The following NKD2 variants were observed in gnomAD, a reference collection of about 807,000 sequenced individuals.
NKD2 encodes the protein NKD inhibitor of Wnt signaling pathway 2.
A neutral mutation model predicts 34.8 loss-of-function variants in NKD2; 43 were observed. The ratio of observed to expected loss-of-function variants is 1.24; its 90% CI spans 0.97 to 1.60. The LOEUF (loss-of-function observed/expected upper bound fraction) is 1.60, where lower values mean the gene tolerates loss of function less well. Among genes scored for constraint, NKD2 ranks in the 40% most tolerant of loss-of-function variants. NKD2 has a pLI of 0.00. For synonymous variants in NKD2, 278 were observed against 265.1 expected, an observed-to-expected ratio of 1.05 and a Z score of -0.47; for missense variants, 675 against 627.1, an observed-to-expected ratio of 1.08 and a Z score of -0.82.
intron 9 of NKD2, chr5:1,037,582 G>A (rs561294669): frequency 6.5e-7 from 1 of 1,535,898 alleles, no homozygotes; most frequent in South Asian, 1.2e-5. Context: ...CAAGGCTAGA[G>A]GAGTCGGCCT....
intron 3 of NKD2, among the ~76,000 whole-genome samples, chr5:1,014,761 G>A (rs537814118): frequency 9.2e-5 from 14 of 152,338 alleles, no homozygotes; most frequent in Non-Finnish European, 2.1e-4. Flanking sequence ...CTCCACCCCC[G>A]CTTTGCGGCC....
intron 3 of NKD2, among the ~76,000 whole-genome samples, chr5:1,027,901 GGAT>G (rs917452306): frequency 6.6e-6 from 1 of 152,264 alleles, no homozygotes; most frequent in Non-Finnish European, 1.5e-5. Flanking sequence ...AAGGCCACCA[GGAT>G]GATACCTGTG....
At chr5:1,017,220 G>C (rs915591499) in intron 3 of NKD2, among the ~76,000 whole-genome samples, 6 of 152,142 alleles carry the variant, frequency 3.9e-5, no homozygotes, top group African/African-American at 1.4e-4. Context: ...CTGGCGTCTG[G>C]GCCTCAGCGT....
chr5:1,019,841 G>A lies in NKD2; in HGVS notation c.141+10281G>A, dbSNP rs182908104. On this transcript the variant is annotated intron_variant, in intron 3 of 9. Coordinates refer to ENST00000296849, the MANE Select transcript of NKD2 (RefSeq NM_033120.4). ...GGAAACATGAGGCTTTAATATGAAT[G>A]AAAGAAAACAAAAACGTCCGGTGGG... is the stretch of plus-strand genomic sequence containing the variant. Among the ~76,000 whole-genome samples the A allele has an allele frequency of 2.0e-3, 308 of 150,786 alleles. 1 individual carries two copies. The highest frequency in any genetic ancestry group is 7.0e-3 in the African/African-American group (290 of 41,196).
At chr5:1,018,507 T>C (rs916397655) in intron 3 of NKD2, among the ~76,000 whole-genome samples, 6 of 152,274 alleles carry the variant, frequency 3.9e-5, no homozygotes, top group African/African-American at 1.4e-4. Flanking sequence ...GCCTGAGACA[T>C]GTTTTAGGTG....
chr5:1,012,668 C>A (rs2150725182), intron 3 of NKD2, among the ~76,000 whole-genome samples: 1 of 152,264 alleles, frequency 6.6e-6, no homozygotes, highest in East Asian at 1.9e-4. Flanking sequence ...TGGGCTCAGC[C>A]CCACTACATG....
Position 1,009,451 on chromosome 5 carries a change from G to A in NKD2, c.62-30G>A. ...GCGTCTCTTTCCCTCCTCGGTGCGG[G>A]TTTCCCGCGCGTCCGCCCCCGGACC... On this transcript the variant is annotated intron_variant, in intron 2 of 9. Transcript: ENST00000296849. This position sits in a 1 kb window ranked among gnomAD's most constrained non-coding sequence, Gnocchi z 6.9. 1 of 1,487,074 alleles carries A rather than the reference G, an allele frequency of 6.7e-7. No homozygotes were observed. 92.1% of individuals were successfully genotyped at this position (1,487,074 alleles called of 1,614,324 possible).
chr5:1,011,329 C>G (rs1387675564), intron 3 of NKD2, among the ~76,000 whole-genome samples: 1 of 152,232 alleles, frequency 6.6e-6, no homozygotes, highest in East Asian at 1.9e-4. Flanking sequence ...AAGTGCCCTC[C>G]CTGCCACATT....
At chr5:1,011,288 C>A (rs949887204) in intron 3 of NKD2, among the ~76,000 whole-genome samples, 5 of 152,148 alleles carry the variant, frequency 3.3e-5, no homozygotes, top group Non-Finnish European at 2.9e-5. Flanking sequence ...GGCATGGAGA[C>A]CCCAGGGCCC....
chr5:1,036,958 C>T (rs1394041635), intron 9 of NKD2: 63 of 324,060 alleles, frequency 1.9e-4, no homozygotes, highest in African/African-American at 1.4e-3. Flanking sequence ...GCAGTGTGGA[C>T]GGCGGGCAGT....
rs924915778 is a variant in NKD2, at chr5:1,009,246, G to A, written c.61+32G>A. On this transcript the variant is annotated intron_variant, in intron 2 of 9. Coordinates refer to ENST00000296849, the MANE Select transcript of NKD2 (RefSeq NM_033120.4). This position sits in a 1 kb window ranked among gnomAD's most constrained non-coding sequence, Gnocchi z 6.9. ...GGGCGAGCCGACGGGCGGGGCGGGGGGCGGCGACCCGGCCCGGGACCCTCA... is the reference window on the plus strand; with the variant it reads ...GGGCGAGCCGACGGGCGGGGCGGGGAGCGGCGACCCGGCCCGGGACCCTCA... The A allele has an allele frequency of 6.1e-6, 3 of 489,394 alleles. No homozygotes were observed. The highest frequency in any genetic ancestry group is 2.0e-5 in the African/African-American group (1 of 48,808). The allele number at this position is 489,394 out of a possible 1,614,324, so 30.3% of individuals were successfully genotyped here. A position where few individuals can be genotyped will look rare whatever the true frequency, so the allele number is the denominator to read the frequency against.
intron 3 of NKD2, among the ~76,000 whole-genome samples, chr5:1,020,529 G>A (rs1261308889): frequency 2.0e-5 from 3 of 152,126 alleles, no homozygotes; most frequent in Non-Finnish European, 4.4e-5. Context: ...TGGGCCCAGT[G>A]GCGCTCACAG....
intron 3 of NKD2, among the ~76,000 whole-genome samples, chr5:1,013,477 C>T (rs1254341397): frequency 1.3e-5 from 2 of 152,246 alleles, no homozygotes; most frequent in African/African-American, 4.8e-5. Flanking sequence ...AGGGAGTTGC[C>T]AGGCCACCTG....
chr5:1,014,741 G>A (rs1579247323), intron 3 of NKD2, among the ~76,000 whole-genome samples: 1 of 152,200 alleles, frequency 6.6e-6, no homozygotes, highest in Non-Finnish European at 1.5e-5. Flanking sequence ...CTGGGCCAAG[G>A]GCTCCTGTCC....
chr5:1,030,218 T>C (rs537495998), intron 3 of NKD2, among the ~76,000 whole-genome samples: 1 of 152,248 alleles, frequency 6.6e-6, no homozygotes, highest in South Asian at 2.1e-4. Flanking sequence ...AGCCTGGGCA[T>C]TGGTGGTCTT....
Position 1,031,603 on chromosome 5 carries a change from A to G in NKD2, c.142-549A>G, listed in dbSNP as rs984376684. ...CTTCTCTGTGTCCTGAAGGCTGCAGATTATTCATGAGAACCATGTGAGCTT... is the reference window on the plus strand; with the variant it reads ...CTTCTCTGTGTCCTGAAGGCTGCAGGTTATTCATGAGAACCATGTGAGCTT... On this transcript the variant is annotated intron_variant, in intron 3 of 9. Transcript: ENST00000296849. 4.6e-5 allele frequency among the ~76,000 whole-genome samples: 7 copies of G among 152,284 alleles called. 1 individual carries two copies. Among genetic ancestry groups the G allele is most frequent in the Admixed American group, 6.5e-5 (1 of 15,304 alleles).
Position 1,008,890 on chromosome 5 carries a change from C to A in NKD2, c.-168C>A. ...ACCTCCGCCCCGCGGCCGTACCTGG[C>A]GCCCCCTGGCTCCCCCGGCCCCCGC... On this transcript the variant is annotated 5_prime_UTR_variant, in exon 1 of 10. Coordinates refer to ENST00000296849, the MANE Select transcript of NKD2 (RefSeq NM_033120.4). 2.7e-6 allele frequency: 1 copy of A among 371,476 alleles called. No homozygotes were observed. The highest frequency in any genetic ancestry group is 3.9e-5 in the East Asian group (1 of 25,572). 23.0% of individuals were successfully genotyped at this position (371,476 alleles called of 1,614,324 possible).
intron 3 of NKD2, among the ~76,000 whole-genome samples, chr5:1,016,848 G>A (rs779714966): frequency 4.0e-5 from 6 of 151,690 alleles, no homozygotes; most frequent in African/African-American, 9.7e-5. Flanking sequence ...TAACAGAGCC[G>A]ACCTCATCCT....
intron 4 of NKD2, among the ~76,000 whole-genome samples, chr5:1,032,453 G>A (rs901611512): frequency 6.6e-6 from 1 of 152,256 alleles, no homozygotes; most frequent in Non-Finnish European, 1.5e-5. Context: ...AGCCCTAAGC[G>A]TTACCTTTAT....
Sources: allele counts gnomAD v4.1 joint callset (sites outside exome capture counted in the v4.1 genomes callset), GRCh38; gene constraint gnomAD v4.1.1; non-coding constraint Gnocchi (gnomAD v3.1); transcripts MANE v1.5; gene names NCBI Gene and HGNC (gene_info 2026-07-23, HGNC 2026-07-21).